Variants in VSTM1 observed in about 807,000 individuals in gnomAD.
The protein encoded by VSTM1 is V-set and transmembrane domain containing 1, also known as V-set and transmembrane domain-containing protein 1.
A neutral mutation model predicts 33.1 loss-of-function variants in VSTM1; 27 were observed. That is an observed-to-expected ratio of 0.82 (90% CI 0.60 to 1.12). The LOEUF (loss-of-function observed/expected upper bound fraction) is 1.12, where lower values mean the gene tolerates loss of function less well. VSTM1 is among the 50% of genes most tolerant of loss of function. The probability of loss-of-function intolerance (pLI) is 0.00; values close to 1 mark genes in which losing one functional copy is unlikely to be tolerated. For missense variants in VSTM1, 304 were observed against 288.9 expected, an observed-to-expected ratio of 1.05 and a Z score of -0.38; for synonymous variants, 115 against 110.3, an observed-to-expected ratio of 1.04 and a Z score of -0.27.
chr19:54,041,915 C>G lies in VSTM1; in HGVS notation c.553+1G>C. 1 of 1,614,122 alleles carries G rather than the reference C, an allele frequency of 6.2e-7. No individual in the cohort carries two copies. Among genetic ancestry groups the G allele is most frequent in the Non-Finnish European group, 8.5e-7 (1 of 1,180,022 alleles). ...TCCCTTAAACTTCCCCTGTCCCTTA[C>G]CGGCAGCCTCCTGCTCCGGAAGTTT... On this transcript the variant is annotated splice_donor_variant, in intron 7 of 8. Coordinates refer to ENST00000338372, the MANE Select transcript of VSTM1 (RefSeq NM_198481.4). LOFTEE classifies it high-confidence loss of function.
In VSTM1 at chr19:54,058,359, GTTGTC is replaced by G; in HGVS notation, c.297_301del (p.Lys99AsnfsTer5). On this transcript the variant is annotated frameshift_variant, in exon 3 of 9. Transcript: ENST00000338372. LOFTEE classifies it high-confidence loss of function. ...GCTTTCTGACCACTCATGGGAGGCTGTTGTCTTGTAGGCACAAAAGTACCTCCCAG... is the reference window on the plus strand; with the variant it reads ...GCTTTCTGACCACTCATGGGAGGCTGTTGTAGGCACAAAAGTACCTCCCAG... 6.2e-7 allele frequency: 1 copy of G among 1,614,106 alleles called. No individual in the cohort carries two copies. Among genetic ancestry groups the G allele is most frequent in the Non-Finnish European group, 8.5e-7 (1 of 1,180,032 alleles).
At chr19:54,051,505 C>CTCCTGTCCCCA in intron 3 of VSTM1, 57 bp from the exon 4 acceptor site, 1 of 1,417,204 alleles carries the variant, frequency 7.1e-7, no homozygotes, top group Non-Finnish European at 9.7e-7. Context: ...ACCTTGGGGA[C>CTCCTGTCCCCA]AGGAGTCCTC....
intron 4 of VSTM1, 55 bp downstream of exon 4, chr19:54,051,355 G>A: frequency 7.0e-7 from 1 of 1,421,932 alleles, no homozygotes; most frequent in Non-Finnish European, 9.8e-7. Context: ...TTTAAGCAAA[G>A]GTGATCATGA....
chr19:54,049,865 G>A (rs1214006393), intron 4 of VSTM1, among the ~76,000 whole-genome samples: 1 of 152,040 alleles, frequency 6.6e-6, no homozygotes, highest in Non-Finnish European at 1.5e-5. Flanking sequence ...GTTGCAGGAA[G>A]ATTATGACTT....
At chr19:54,043,392 T>C (rs1279348405) in intron 4 of VSTM1, among the ~76,000 whole-genome samples, 1 of 151,926 alleles carries the variant, frequency 6.6e-6, no homozygotes, top group Non-Finnish European at 1.5e-5. Context: ...TCTCTCCATA[T>C]ATGTATATAC....
intron 4 of VSTM1, among the ~76,000 whole-genome samples, chr19:54,045,213 A>G (rs998615569): frequency 8.5e-5 from 13 of 152,152 alleles, no homozygotes; most frequent in South Asian, 2.1e-4. Flanking sequence ...TAATTTATCT[A>G]TCTCGCTAAT....
intron 4 of VSTM1, among the ~76,000 whole-genome samples, chr19:54,047,858 A>T (rs182830034): frequency 6.6e-6 from 1 of 152,294 alleles, no homozygotes; most frequent in African/African-American, 2.4e-5. Context: ...ATCCTGGCCA[A>T]ATGTTGCATC....
chr19:54,042,855 T>TAC (rs1439923527), intron 4 of VSTM1, among the ~76,000 whole-genome samples: 62 of 132,772 alleles, frequency 4.7e-4, no homozygotes, highest in East Asian at 1.0e-3. Context: ...TATATATATA[T>TAC]ACACACTTTT....
At position 54,054,365 on chromosome 19, in the gene VSTM1, A is replaced by G. The variant is rs191359353; in HGVS notation, c.356-2917T>C. Reference sequence around the variant, plus strand: ...TTATGGGGAATACAATTTGAAATCAATATCAAAGTGATGAGCACCTTGTTG... The same window carrying G: ...TTATGGGGAATACAATTTGAAATCAGTATCAAAGTGATGAGCACCTTGTTG... On this transcript the variant is annotated intron_variant, in intron 3 of 8. Coordinates refer to ENST00000338372, the MANE Select transcript of VSTM1 (RefSeq NM_198481.4). Among the ~76,000 whole-genome samples, 7 of 142,856 alleles carry G rather than the reference A, an allele frequency of 4.9e-5. 1 individual carries two copies. Among genetic ancestry groups the G allele is most frequent in the African/African-American group, 1.8e-4 (7 of 38,882 alleles). The allele number at this position is 142,856 out of a possible 152,430, so 93.7% of individuals were successfully genotyped here. A position where few individuals can be genotyped will look rare whatever the true frequency, so the allele number is the denominator to read the frequency against.
At chr19:54,061,368 C>T (rs1254222169) in intron 1 of VSTM1, among the ~76,000 whole-genome samples, 19 of 152,192 alleles carry the variant, frequency 1.2e-4, no homozygotes, top group African/African-American at 4.1e-4. Flanking sequence ...CCAGGACCTG[C>T]GAATGTGACC....
At chr19:54,041,395 G>A (rs2070257627) in intron 8 of VSTM1, among the ~76,000 whole-genome samples, 1 of 151,922 alleles carries the variant, frequency 6.6e-6, no homozygotes, top group African/African-American at 2.4e-5. Flanking sequence ...TCCGCCTCCC[G>A]GGTTCAAGCC....
intron 4 of VSTM1, among the ~76,000 whole-genome samples, chr19:54,043,800 CT>C (rs2070438769): frequency 6.6e-6 from 1 of 152,048 alleles, no homozygotes; most frequent in South Asian, 2.1e-4. Flanking sequence ...AACATATTTC[CT>C]TTTTCTTTTT....
chr19:54,050,620 T>A (rs1428183767), intron 4 of VSTM1, among the ~76,000 whole-genome samples: 1 of 151,998 alleles, frequency 6.6e-6, no homozygotes, highest in African/African-American at 2.4e-5. Flanking sequence ...TTAGAGGTTA[T>A]CTCCCCTCAT....
In VSTM1 at chr19:54,041,893, C is replaced by T. The variant is rs113693247; in HGVS notation, c.553+23G>A. 195 of 1,614,132 alleles carry T rather than the reference C, an allele frequency of 1.2e-4. 1 individual carries two copies. The African/African-American group carries it at 2.3e-3, about 19-fold the overall frequency. ...CTTAGTCTTTCTATCCGGTGATTCC[C>T]TTAAACTTCCCCTGTCCCTTACCGG... On this transcript the variant is annotated intron_variant, in intron 7 of 8. Transcript: ENST00000338372.
chr19:54,048,177 G>A (rs1017698065), intron 4 of VSTM1, among the ~76,000 whole-genome samples: 6 of 152,074 alleles, frequency 3.9e-5, no homozygotes, highest in East Asian at 1.9e-4. Flanking sequence ...GTGCTGTGGC[G>A]CAATCACAGT....
intron 1 of VSTM1, among the ~76,000 whole-genome samples, chr19:54,063,543 C>G (rs2071499697): frequency 1.3e-5 from 2 of 152,102 alleles, no homozygotes; most frequent in Admixed American, 1.3e-4. Flanking sequence ...AGTCTGTCCC[C>G]GTGTCTCTGC....
chr19:54,046,103 G>T (rs1337711779), intron 4 of VSTM1, among the ~76,000 whole-genome samples: 1 of 151,612 alleles, frequency 6.6e-6, no homozygotes, highest in African/African-American at 2.4e-5. Flanking sequence ...TATCTAATCT[G>T]TCCATCGTAT....
intron 1 of VSTM1, among the ~76,000 whole-genome samples, chr19:54,061,016 CTTTTTTTTT>C (rs10693760): frequency 2.6e-5 from 3 of 115,028 alleles, no homozygotes; most frequent in Non-Finnish European, 5.2e-5. Flanking sequence ...TTTTTCTTTT[CTTTTTTTTT>C]TTTTTTTTTT....
At chr19:54,057,512 CAA>C (rs201220644) in intron 3 of VSTM1, among the ~76,000 whole-genome samples, 81 of 128,676 alleles carry the variant, frequency 6.3e-4, no homozygotes, top group South Asian at 1.0e-3. Flanking sequence ...GAGATTCTGT[CAA>C]AAAAAAAAAA....
Sources: gnomAD v4.1 joint callset for allele counts (sites outside exome capture counted in the v4.1 genomes callset) on GRCh38, gnomAD v4.1.1 for gene constraint, MANE v1.5 for transcripts, NCBI Gene and HGNC (gene_info 2026-07-23, HGNC 2026-07-21) for gene names.